Variants in CRYL1 observed in about 807,000 individuals in gnomAD.
CRYL1 encodes the protein lambda-crystallin homolog.
CRYL1 carries 29 observed loss-of-function variants against 36.6 expected under a neutral mutation model. The ratio of observed to expected loss-of-function variants is 0.79; its 90% confidence interval spans 0.59 to 1.08. The LOEUF is 1.08. Ranked by LOEUF, CRYL1 falls within the 50% of genes least tolerant of loss-of-function variation. The pLI is 0.00. For synonymous variants in CRYL1, 152 were observed against 151.5 expected, an observed-to-expected ratio of 1.00 and a Z score of -0.02; for missense variants, 411 against 407.9, an observed-to-expected ratio of 1.01 and a Z score of -0.06.
chr13:20,473,226 G>T (rs542917186), intron 3 of CRYL1, among the ~76,000 whole-genome samples: 62 of 152,260 alleles, frequency 4.1e-4, no homozygotes, highest in Non-Finnish European at 7.3e-4. Context: ...GTACAGCCAC[G>T]AACAGGAGCC....
intron 3 of CRYL1, among the ~76,000 whole-genome samples, chr13:20,445,245 A>G (rs1212973967): frequency 1.3e-5 from 2 of 152,184 alleles, no homozygotes; most frequent in Non-Finnish European, 2.9e-5. Flanking sequence ...ACTTTTACCT[A>G]TGAGGTAACT....
At chr13:20,408,395 C>T (rs1036209076) in intron 6 of CRYL1, among the ~76,000 whole-genome samples, 8 of 152,188 alleles carry the variant, frequency 5.3e-5, no homozygotes, top group Admixed American at 5.2e-4. Flanking sequence ...TCCACTTCCC[C>T]TGGAGGCGAT....
At chr13:20,480,368 A>G (rs2033252105) in intron 3 of CRYL1, among the ~76,000 whole-genome samples, 2 of 150,994 alleles carry the variant, frequency 1.3e-5, no homozygotes, top group African/African-American at 4.9e-5. Context: ...GGTGACAAGA[A>G]TGAAACTCTG....
At chr13:20,439,956 C>G in intron 3 of CRYL1, 1 of 510,642 alleles carries the variant, frequency 2.0e-6, no homozygotes, top group Non-Finnish European at 3.5e-6. Flanking sequence ...TCTCTCCTCC[C>G]CTAAAGCAAG....
At chr13:20,434,727 G>A (rs1216036672) in intron 4 of CRYL1, among the ~76,000 whole-genome samples, 1 of 150,112 alleles carries the variant, frequency 6.7e-6, no homozygotes, top group Non-Finnish European at 1.5e-5. Context: ...TTACTCTTTG[G>A]GTCCGTGCTA....
chr13:20,463,665 G>C (rs146091122), intron 3 of CRYL1, among the ~76,000 whole-genome samples: 1 of 152,042 alleles, frequency 6.6e-6, no homozygotes, highest in African/African-American at 2.4e-5. Context: ...TAGCTAGCTC[G>C]GGGTCCCACA....
At chr13:20,473,608 G>A (rs142085871) in intron 3 of CRYL1, among the ~76,000 whole-genome samples, 3 of 152,338 alleles carry the variant, frequency 2.0e-5, no homozygotes, top group Admixed American at 6.5e-5. Context: ...GGAGCCCACC[G>A]TCCTGGCCAT....
rs562986191 is a variant in CRYL1, at chr13:20,437,453, G to A, written c.438+2140C>T. On this transcript the variant is annotated intron_variant, in intron 4 of 7. Transcript: ENST00000298248. ...CTCCCGAGTAGCTGGGACTACAGGC[G>A]ACCGCCACCTCACCTGGCTAATTTT... is the stretch of plus-strand genomic sequence containing the variant. Among the ~76,000 whole-genome samples, 11 of 152,050 alleles carry A rather than the reference G, an allele frequency of 7.2e-5. 1 individual carries two copies. The South Asian group carries it at 1.2e-3, about 17-fold the overall frequency.
Position 20,427,090 on chromosome 13 carries a change from A to G in CRYL1, c.633+5012T>C. ...GAATTTACAGGCAACAAACTTAGCT[A>G]CTGTCCAGCCAAAAGTCTATTGTCA... On this transcript the variant is annotated intron_variant, in intron 5 of 7. Transcript: ENST00000298248. The G allele has an allele frequency of 4.1e-6, 4 of 985,496 alleles. 1 individual carries two copies. The South Asian group carries it at 1.9e-4, about 46-fold the overall frequency. 61.0% of individuals were successfully genotyped at this position (985,496 alleles called of 1,614,324 possible).
intron 3 of CRYL1, among the ~76,000 whole-genome samples, chr13:20,471,450 G>A (rs1309171726): frequency 2.0e-5 from 3 of 151,898 alleles, no homozygotes; most frequent in African/African-American, 4.8e-5. Flanking sequence ...CTAAAAATAC[G>A]AAAAATTAGC....
chr13:20,427,453 A>G (rs576949482), intron 5 of CRYL1: 1 of 248,582 alleles, frequency 4.0e-6, no homozygotes, highest in African/African-American at 2.3e-5. Context: ...AGAATGGGTG[A>G]TGACAGGGGA....
intron 2 of CRYL1, among the ~76,000 whole-genome samples, chr13:20,497,481 C>T (rs111205370): frequency 0.28 from 214 of 774 alleles, 38 homozygotes; most frequent in East Asian, 0.57. Context: ...CACACCACCA[C>T]ACACACAACT....
rs1593475275 is a variant in CRYL1 at position 20,481,392 on chromosome 13, T to C, written c.276+7978A>G. On this transcript the variant is annotated intron_variant, in intron 3 of 7. Coordinates refer to ENST00000298248, the MANE Select transcript of CRYL1 (RefSeq NM_015974.3). This position sits in a 1 kb window ranked among gnomAD's most constrained non-coding sequence, Gnocchi z 4.1. ...TAACATTCTGGAGAAGGCAAAACTA[T>C]AGGGACAAAGAACAGATCAGTGGTG... is the stretch of plus-strand genomic sequence containing the variant. 6.6e-6 allele frequency among the ~76,000 whole-genome samples: 1 copy of C among 152,214 alleles called. No individual in the cohort carries two copies. Among genetic ancestry groups the C allele is most frequent in the East Asian group, 1.9e-4 (1 of 5,188 alleles).
Position 20,403,837 on chromosome 13 carries a change from C to A in CRYL1, c.*292G>T. The A allele has an allele frequency of 3.8e-6, 1 of 259,910 alleles. No individual in the cohort carries two copies. The highest frequency in any genetic ancestry group is 7.2e-6 in the Non-Finnish European group (1 of 138,410). 16.1% of individuals were successfully genotyped at this position (259,910 alleles called of 1,614,324 possible). Reference sequence around the variant, plus strand: ...ACAATCACTGGCTGTAAAATATAGTCAAATGCAATCAAGCTGAAAAGAAAA... The same window carrying A: ...ACAATCACTGGCTGTAAAATATAGTAAAATGCAATCAAGCTGAAAAGAAAA... On this transcript the variant is annotated 3_prime_UTR_variant, in exon 8 of 8. Coordinates refer to ENST00000298248, the MANE Select transcript of CRYL1 (RefSeq NM_015974.3).
In CRYL1 at chr13:20,435,657, C is replaced by A. The variant is rs1565963273; in HGVS notation, c.439-3361G>T. ...TGTGCGAGGTGGACTCGGAAACACG[C>A]CCCCGAAAGGGTTCGACAGATACAA... On this transcript the variant is annotated intron_variant, in intron 4 of 7. Coordinates refer to ENST00000298248, the MANE Select transcript of CRYL1 (RefSeq NM_015974.3). This position sits in a 1 kb window ranked among gnomAD's most constrained non-coding sequence, Gnocchi z 4.0. 6.6e-6 allele frequency among the ~76,000 whole-genome samples: 1 copy of A among 152,218 alleles called. No homozygotes were observed. Among genetic ancestry groups the A allele is most frequent in the Non-Finnish European group, 1.5e-5 (1 of 68,026 alleles).
At chr13:20,444,535 A>G (rs1221721022) in intron 3 of CRYL1, among the ~76,000 whole-genome samples, 1 of 152,196 alleles carries the variant, frequency 6.6e-6, no homozygotes, top group African/African-American at 2.4e-5. Context: ...TGTCCTGATT[A>G]TGTGTCCGTC....
At chr13:20,414,915 A>T (rs2031619410) in intron 5 of CRYL1, among the ~76,000 whole-genome samples, 1 of 152,214 alleles carries the variant, frequency 6.6e-6, no homozygotes, top group African/African-American at 2.4e-5. Flanking sequence ...TTCACGGCTC[A>T]GACAGGCAGC....
chr13:20,495,588 CA>C (rs1359068981), intron 2 of CRYL1, among the ~76,000 whole-genome samples: 2 of 152,022 alleles, frequency 1.3e-5, no homozygotes, highest in Admixed American at 6.6e-5. Flanking sequence ...GGTGGTAACT[CA>C]AAAAGTTAAA....
At chr13:20,448,143 G>A (rs1388337606) in intron 3 of CRYL1, among the ~76,000 whole-genome samples, 2 of 152,138 alleles carry the variant, frequency 1.3e-5, no homozygotes, top group Non-Finnish European at 1.5e-5. Flanking sequence ...GAAAAACAAA[G>A]TAACAGAGAT....
Sources: gnomAD v4.1 joint callset for allele counts (sites outside exome capture counted in the v4.1 genomes callset) on GRCh38, gnomAD v4.1.1 for gene constraint, Gnocchi (gnomAD v3.1) non-coding constraint, MANE v1.5 for transcripts, NCBI Gene and HGNC (gene_info 2026-07-23, HGNC 2026-07-21) for gene names.